Variants in NPTN observed in about 807,000 individuals in gnomAD.
The protein encoded by NPTN is neuroplastin.
NPTN carries 5 observed loss-of-function variants against 42.7 expected under a neutral mutation model. The observed-to-expected ratio is 0.12, with a 90% CI of 0.06 to 0.25. The LOEUF is 0.25. NPTN is among the 10% of genes least tolerant of loss of function. The pLI is 1.00. For synonymous variants in NPTN, 180 were observed against 201.9 expected (o/e 0.89, Z 0.92); for missense variants, 307 against 525.4 (o/e 0.58, Z 4.06).
At chr15:73,564,634 C>G (rs1403255066) in intron 6 of NPTN, among the ~76,000 whole-genome samples, 1 of 152,176 alleles carries the variant, frequency 6.6e-6, no homozygotes, top group African/African-American at 2.4e-5. Context: ...CCCAAGACAT[C>G]TGTGTGCTGT....
intron 4 of NPTN, among the ~76,000 whole-genome samples, chr15:73,577,417 C>T (rs1895757753): frequency 6.6e-6 from 1 of 152,176 alleles, no homozygotes; most frequent in South Asian, 2.1e-4. Context: ...AAAATTATGA[C>T]TGAGACAGGG....
chr15:73,633,365 C>T lies in NPTN; in HGVS notation c.-150G>A, dbSNP rs1898877608. ...CGGCTCCGTCCTTCCCCGTCCTCCT[C>T]CTGCCGCCGCAGCGCCCAGGCCTCG... is the stretch of plus-strand genomic sequence containing the variant. On this transcript the variant is annotated 5_prime_UTR_variant, in exon 1 of 9. Transcript: ENST00000345330. 2 of 529,208 alleles carry T rather than the reference C, an allele frequency of 3.8e-6. No individual in the cohort carries two copies. The highest frequency in any genetic ancestry group is 2.0e-5 in the African/African-American group (1 of 50,276). The allele number at this position is 529,208 out of a possible 1,614,324, so 32.8% of individuals were successfully genotyped here. A position where few individuals can be genotyped will look rare whatever the true frequency, so the allele number is the denominator to read the frequency against.
At chr15:73,605,210 G>A (rs1276932091) in intron 1 of NPTN, among the ~76,000 whole-genome samples, 1 of 151,960 alleles carries the variant, frequency 6.6e-6, no homozygotes, top group Non-Finnish European at 1.5e-5. Flanking sequence ...CCATGAAGGA[G>A]GGGGATGTCT....
chr15:73,605,110 GGA>G (rs1566980516), intron 1 of NPTN, among the ~76,000 whole-genome samples: 1 of 143,010 alleles, frequency 7.0e-6, no homozygotes. Flanking sequence ...GGGGGGGGGG[GGA>G]AAAGAATGAT....
At chr15:73,601,497 G>A (rs1481620435) in intron 1 of NPTN, among the ~76,000 whole-genome samples, 4 of 152,212 alleles carry the variant, frequency 2.6e-5, no homozygotes, top group Non-Finnish European at 5.9e-5. Context: ...AGCAGCAGGA[G>A]GTTCAGAGCC....
chr15:73,570,247 T>C lies in NPTN; in HGVS notation c.1017A>G (p.Pro339=), dbSNP rs906089317. Residue 339 remains proline (P), a synonymous_variant, in exon 6 of 9, where the codon CCA becomes CCG. Transcript: ENST00000345330. The surrounding 1 kb of genome is among the most constrained non-coding windows in gnomAD (Gnocchi z 4.0). ...TVLRVRSHLA[P]LWPFLGILAE... Reference sequence around the variant, plus strand: ...CCAGAATTCCCAAGAAAGGCCAGAGTGGGGCCAGGTGGCTCCGCACCCTGA... The same window carrying C: ...CCAGAATTCCCAAGAAAGGCCAGAGCGGGGCCAGGTGGCTCCGCACCCTGA... 1 of 1,614,006 alleles carries C rather than the reference T, an allele frequency of 6.2e-7. No homozygotes were observed. The highest frequency in any genetic ancestry group is 8.5e-7 in the Non-Finnish European group (1 of 1,179,978).
At position 73,592,149 on chromosome 15, in the gene NPTN, G is replaced by A; in HGVS notation, c.440-12C>T. 6.2e-7 allele frequency: 1 copy of A among 1,609,740 alleles called. No homozygotes were observed. The highest frequency in any genetic ancestry group is 8.5e-7 in the Non-Finnish European group (1 of 1,177,362). ...GACAATCCTTGGCTCTGTAATAAGA[G>A]TGCACAATGATAGGGGGCAATAGCC... is the stretch of plus-strand genomic sequence containing the variant. On this transcript the variant is annotated splice_polypyrimidine_tract_variant and intron_variant, in intron 2 of 8. Transcript: ENST00000345330.
At position 73,597,100 on chromosome 15, in the gene NPTN, C is replaced by T. The variant is rs1896867754; in HGVS notation, c.361G>A (p.Asp121Asn). 4 of 1,614,128 alleles carry T rather than the reference C, an allele frequency of 2.5e-6. No individual in the cohort carries two copies. Among genetic ancestry groups the T allele is most frequent in the Non-Finnish European group, 3.4e-6 (4 of 1,180,010 alleles). The change falls in exon 2 of 9, where the codon GAC (aspartate) becomes AAC (asparagine). Residue 121 changes from aspartate (D) to asparagine (N), a missense_variant. By Grantham distance (23) the Asp-to-Asn change is conservative. Coordinates refer to ENST00000345330, the MANE Select transcript of NPTN (RefSeq NM_012428.4). The surrounding 1 kb of genome is among the most constrained non-coding windows in gnomAD (Gnocchi z 6.3). ...SGTYECRASN[D>N]PKRNDLRQNP... ...TGCCTCAAGTCATTCCTCTTGGGGT[C>T]GTTGCTGGCCCTGCACTCGTAAGTC...
chr15:73,571,285 G>T (rs2415153), intron 5 of NPTN, among the ~76,000 whole-genome samples: 130,526 of 152,150 alleles, frequency 0.86, 56,866 homozygotes, highest in Middle Eastern at 0.94. Flanking sequence ...ACAAATAAAA[G>T]AGAACAAATA....
chr15:73,560,090 C>T lies in NPTN; in HGVS notation c.*973G>A, dbSNP rs1387393731. On this transcript the variant is annotated 3_prime_UTR_variant, in exon 9 of 9. Coordinates refer to ENST00000345330, the MANE Select transcript of NPTN (RefSeq NM_012428.4). ...ACATCATTGCACTTCAATAATTACA[C>T]AAAACACACAAGTACATGCATCTAC... 2 of 538,534 alleles carry T rather than the reference C, an allele frequency of 3.7e-6. No homozygotes were observed. Among genetic ancestry groups the T allele is most frequent in the South Asian group, 2.8e-5 (1 of 35,518 alleles). The allele number at this position is 538,534 out of a possible 1,614,324, so 33.4% of individuals were successfully genotyped here.
intron 5 of NPTN, among the ~76,000 whole-genome samples, chr15:73,572,320 T>C (rs998942554): frequency 6.6e-6 from 1 of 152,188 alleles, no homozygotes; most frequent in African/African-American, 2.4e-5. Flanking sequence ...AGAGGATCCA[T>C]GGGATCAGAG....
chr15:73,629,862 A>G (rs1288851067), intron 1 of NPTN, among the ~76,000 whole-genome samples: 2 of 152,024 alleles, frequency 1.3e-5, no homozygotes, highest in South Asian at 2.1e-4. Flanking sequence ...AAAAAAAGCC[A>G]TAAAGTCTCT....
At chr15:73,620,102 G>A (rs1012990011) in intron 1 of NPTN, among the ~76,000 whole-genome samples, 1 of 152,152 alleles carries the variant, frequency 6.6e-6, no homozygotes, top group African/African-American at 2.4e-5. Context: ...CAACTTAGAG[G>A]CCCACTGATA....
At chr15:73,599,205 C>G (rs1004627656) in intron 1 of NPTN, among the ~76,000 whole-genome samples, 1 of 152,078 alleles carries the variant, frequency 6.6e-6, no homozygotes, top group Admixed American at 6.6e-5. Context: ...CCCCCAAGCC[C>G]CTGCATGAAG....
intron 1 of NPTN, among the ~76,000 whole-genome samples, chr15:73,627,601 T>C (rs1009183494): frequency 3.3e-5 from 5 of 152,180 alleles, no homozygotes; most frequent in African/African-American, 4.8e-5. Context: ...TCTATACAGA[T>C]AGACAAAAGT....
intron 1 of NPTN, among the ~76,000 whole-genome samples, chr15:73,599,052 G>A (rs766955674): frequency 5.3e-5 from 8 of 152,140 alleles, no homozygotes; most frequent in African/African-American, 1.7e-4. Context: ...TAGACTAAAC[G>A]TTCTGCCTTT....
chr15:73,604,441 G>A (rs1219360606), intron 1 of NPTN, among the ~76,000 whole-genome samples: 1 of 152,134 alleles, frequency 6.6e-6, no homozygotes, highest in Non-Finnish European at 1.5e-5. Flanking sequence ...GAACGACAGA[G>A]GAGACCCTGT....
At chr15:73,617,722 C>T (rs1002155799) in intron 1 of NPTN, among the ~76,000 whole-genome samples, 4 of 152,170 alleles carry the variant, frequency 2.6e-5, no homozygotes, top group African/African-American at 9.7e-5. Flanking sequence ...AAACACATTC[C>T]ACTCAAACTC....
intron 1 of NPTN, among the ~76,000 whole-genome samples, chr15:73,617,760 TAC>T (rs1897931789): frequency 6.6e-6 from 1 of 152,212 alleles, no homozygotes; most frequent in South Asian, 2.1e-4. Flanking sequence ...GCTGCTGAAA[TAC>T]ACACACGTGT....
Sources: allele counts gnomAD v4.1 joint callset (sites outside exome capture counted in the v4.1 genomes callset), GRCh38; gene constraint gnomAD v4.1.1; non-coding constraint Gnocchi (gnomAD v3.1); transcripts MANE v1.5; gene names NCBI Gene and HGNC (gene_info 2026-07-23, HGNC 2026-07-21).